The following CD163L1 variants were observed in gnomAD, a reference collection of about 807,000 sequenced individuals.
CD163L1 encodes the protein CD163 molecule like 1.
In CD163L1, 124 loss-of-function variants were observed where a neutral mutation model predicts 165.4. The ratio of observed to expected loss-of-function variants is 0.75; its 90% CI spans 0.65 to 0.87. CD163L1 has a LOEUF of 0.87. Among genes scored for constraint, CD163L1 ranks in the 40% least tolerant of loss-of-function variants. The probability of loss-of-function intolerance (pLI) is 0.00; values close to 1 mark genes in which losing one functional copy is unlikely to be tolerated. For synonymous variants in CD163L1, 585 were observed against 662.2 expected, an observed-to-expected ratio of 0.88 and a Z score of 1.79; for missense variants, 1,525 against 1,799.9, an observed-to-expected ratio of 0.85 and a Z score of 2.76.
rs866937211 is a variant in CD163L1 at position 7,421,472 on chromosome 12, T to C, written c.766+10944A>G. ...ATATATGTACATATATACATATATA[T>C]ACATATATGTACATATATACATATA... is the stretch of plus-strand genomic sequence containing the variant. On this transcript the variant is annotated intron_variant, in intron 4 of 19. Coordinates refer to ENST00000313599, the MANE Select transcript of CD163L1 (RefSeq NM_174941.6). Among the ~76,000 whole-genome samples the C allele has an allele frequency of 1.6e-4, 17 of 106,652 alleles. 1 individual carries two copies. Among genetic ancestry groups the C allele is most frequent in the South Asian group, 3.4e-4 (1 of 2,926 alleles). The allele number at this position is 106,652 out of a possible 152,430, so 70.0% of individuals were successfully genotyped here. A position where few individuals can be genotyped will look rare whatever the true frequency, so the allele number is the denominator to read the frequency against.
At chr12:7,396,442 G>A in intron 7 of CD163L1, 27 bp from the exon 8 acceptor site, 1 of 1,559,380 alleles carries the variant, frequency 6.4e-7, no homozygotes, top group Non-Finnish European at 8.7e-7. Flanking sequence ...GAAGCAAGTA[G>A]TTAATGGGTG....
chr12:7,348,497 G>A (rs1400926522), intron 4 of CD163L1, among the ~76,000 whole-genome samples: 1 of 152,114 alleles, frequency 6.6e-6, no homozygotes, highest in East Asian at 1.9e-4. Flanking sequence ...TGATCCTATG[G>A]TTAGAACATA....
Position 7,369,601 on chromosome 12 carries a change from G to A in CD163L1, c.3795C>T (p.Gly1265=). The A allele has an allele frequency of 6.2e-7, 1 of 1,614,118 alleles. No individual in the cohort carries two copies. Among genetic ancestry groups the A allele is most frequent in the Non-Finnish European group, 8.5e-7 (1 of 1,179,996 alleles). The change falls in exon 15 of 20, where the codon GGC becomes GGT. Residue 1265 remains glycine (G), a synonymous_variant. Coordinates refer to ENST00000313599, the MANE Select transcript of CD163L1 (RefSeq NM_174941.6). The surrounding 1 kb of genome is among the most constrained non-coding windows in gnomAD (Gnocchi z 4.9). ...AGTCATCACACACTGTGCCCCAGGA[G>A]CCTGCGTGCCAGATCTCCACTCTCC... ...CSGRVEIWHA[G]SWGTVCDDSW... is the part of the protein sequence containing the mutation.
At chr12:7,424,549 CTTTG>C (rs1948506151) in intron 4 of CD163L1, among the ~76,000 whole-genome samples, 1 of 152,166 alleles carries the variant, frequency 6.6e-6, no homozygotes, top group African/African-American at 2.4e-5. Flanking sequence ...GTCAAATGGT[CTTTG>C]TTTGCAGATG....
At chr12:7,416,816 T>C (rs1948251787) in intron 4 of CD163L1, among the ~76,000 whole-genome samples, 1 of 152,192 alleles carries the variant, frequency 6.6e-6, no homozygotes, top group Admixed American at 6.5e-5. Flanking sequence ...TTTCAGTTAC[T>C]GTAGCCTTGA....
the CD163L1 span, among the ~76,000 whole-genome samples, chr12:7,319,340 C>T: frequency 6.6e-6 from 1 of 152,040 alleles, no homozygotes; most frequent in Non-Finnish European, 1.5e-5. Context: ...AGGCATAATC[C>T]CAGCACTTTG....
chr12:7,350,326 C>T (rs772513770), downstream of CD163L1, among the ~76,000 whole-genome samples: 1 of 152,268 alleles, frequency 6.6e-6, no homozygotes, highest in East Asian at 1.9e-4. Context: ...TGAACTGGAG[C>T]TCTGTGAATC....
intron 2 of CD163L1, among the ~76,000 whole-genome samples, chr12:7,435,880 G>C (rs1226678085): frequency 6.6e-6 from 1 of 152,056 alleles, no homozygotes; most frequent in Non-Finnish European, 1.5e-5. Flanking sequence ...AATAATTATA[G>C]CCATTGCAAC....
At chr12:7,330,409 T>G in the CD163L1 span, among the ~76,000 whole-genome samples, 2 of 152,244 alleles carry the variant, frequency 1.3e-5, no homozygotes, top group Admixed American at 6.5e-5. Flanking sequence ...ACAGACTTTG[T>G]TGGTGTCTGT....
At chr12:7,438,976 G>A (rs1031222376) in intron 2 of CD163L1, 2 of 1,604,076 alleles carry the variant, frequency 1.2e-6, no homozygotes, top group East Asian at 2.2e-5. Context: ...TCTCTCTAGT[G>A]TCCTCAACCT....
At chr12:7,413,587 C>A (rs1398479938) in intron 4 of CD163L1, among the ~76,000 whole-genome samples, 1 of 152,152 alleles carries the variant, frequency 6.6e-6, no homozygotes, top group Non-Finnish European at 1.5e-5. Context: ...TGGGCAGTGC[C>A]CCACATTTCC....
At chr12:7,389,203 CT>C (rs1432210946) in intron 8 of CD163L1, among the ~76,000 whole-genome samples, 1 of 152,222 alleles carries the variant, frequency 6.6e-6, no homozygotes, top group African/African-American at 2.4e-5. Flanking sequence ...AGTGGTTGTA[CT>C]AATTTACATT....
intron 2 of CD163L1, among the ~76,000 whole-genome samples, chr12:7,437,610 T>G (rs1049713247): frequency 4.6e-5 from 7 of 151,296 alleles, no homozygotes; most frequent in Non-Finnish European, 8.8e-5. Flanking sequence ...CTTGTGATAG[T>G]CTGCTCAGAA....
At chr12:7,340,920 C>T in the CD163L1 span, among the ~76,000 whole-genome samples, 1 of 152,184 alleles carries the variant, frequency 6.6e-6, no homozygotes, top group Non-Finnish European at 1.5e-5. Flanking sequence ...CAACCCCATT[C>T]CCATTCACTG....
chr12:7,440,106 C>A, intron 2 of CD163L1: 4 of 802,296 alleles, frequency 5.0e-6, no homozygotes, highest in Non-Finnish European at 8.1e-6. Flanking sequence ...CGACCAATGG[C>A]GGGCTTGGAC....
intron 1 of CD163L1, among the ~76,000 whole-genome samples, chr12:7,441,474 A>G (rs1948830457): frequency 6.6e-6 from 1 of 152,196 alleles, no homozygotes; most frequent in South Asian, 2.1e-4. Flanking sequence ...ATATTTTAGC[A>G]TGTGATTCAT....
chr12:7,345,263 T>C (rs1426305563), downstream of CD163L1, among the ~76,000 whole-genome samples: 2 of 152,176 alleles, frequency 1.3e-5, no homozygotes, highest in East Asian at 3.9e-4. Context: ...TATAGGCTGG[T>C]AGAAGCAGCC....
At chr12:7,321,518 A>T in the CD163L1 span, among the ~76,000 whole-genome samples, 9,857 of 152,298 alleles carry the variant, frequency 0.065, 405 homozygotes, top group East Asian at 0.16. Context: ...CTCTTTTCCT[A>T]GTCAGTGTCA....
intron 4 of CD163L1, among the ~76,000 whole-genome samples, chr12:7,409,638 C>T (rs949669669): frequency 6.6e-6 from 1 of 152,208 alleles, no homozygotes; most frequent in Non-Finnish European, 1.5e-5. Flanking sequence ...CAATTCCTAA[C>T]ATACCGTGAC....
Sources: allele counts gnomAD v4.1 joint callset (sites outside exome capture counted in the v4.1 genomes callset), GRCh38; gene constraint gnomAD v4.1.1; non-coding constraint Gnocchi (gnomAD v3.1); transcripts MANE v1.5; gene names NCBI Gene and HGNC (gene_info 2026-07-23, HGNC 2026-07-21).